The following PDE6G variants were observed in gnomAD, a reference collection of about 807,000 sequenced individuals.
The protein encoded by PDE6G is rod cGMP 3',5'-cyclic phosphodiesterase subunit gamma.
PDE6G carries 10 observed loss-of-function variants against 10.9 expected under a neutral mutation model. The observed-to-expected ratio is 0.91, with a 90% confidence interval of 0.56 to 1.55. The LOEUF (loss-of-function observed/expected upper bound fraction) is 1.55, where lower values mean the gene tolerates loss of function less well. Among genes scored for constraint, PDE6G ranks in the 40% most tolerant of loss-of-function variants. PDE6G has a pLI of 0.00. For synonymous variants in PDE6G, 41 were observed against 42.8 expected, an observed-to-expected ratio of 0.96 and a Z score of 0.16; for missense variants, 102 against 110.1, an observed-to-expected ratio of 0.93 and a Z score of 0.33.
intron 1 of PDE6G, among the ~76,000 whole-genome samples, chr17:81,655,143 C>T (rs901811381): frequency 6.6e-6 from 1 of 152,160 alleles, no homozygotes; most frequent in African/African-American, 2.4e-5. Context: ...TCCCTTCACC[C>T]ACTCACGGAG....
Position 81,652,798 on chromosome 17 carries a change from TCGCGA to T in PDE6G, c.146+357_146+361del, listed in dbSNP as rs2036382013. On this transcript the variant is annotated intron_variant, in intron 2 of 3. Transcript: ENST00000331056. ...CATGTTTGTCAGGCTGGTCTCAAAC[TCGCGA>T]TCCTAGGGGGCTACTTTGGCAGGTA... Among the ~76,000 whole-genome samples, 26 of 147,728 alleles carry T rather than the reference TCGCGA, an allele frequency of 1.8e-4. No individual in the cohort carries two copies. In the Admixed American group the frequency reaches 1.8e-3, roughly 10 times the overall value.
In PDE6G at chr17:81,651,209, C is replaced by G. The variant is rs2036347675; in HGVS notation, c.188-59G>C. 1.6e-6 allele frequency: 2 copies of G among 1,263,774 alleles called. No homozygotes were observed. The highest frequency in any genetic ancestry group is 3.4e-5 in the Admixed American group (2 of 58,288). 78.3% of individuals were successfully genotyped at this position (1,263,774 alleles called of 1,614,324 possible). A position where few individuals can be genotyped will look rare whatever the true frequency, so the allele number is the denominator to read the frequency against. On this transcript the variant is annotated intron_variant, in intron 3 of 3. Coordinates refer to ENST00000331056, the MANE Select transcript of PDE6G (RefSeq NM_002602.4). The surrounding 1 kb of genome is among the most constrained non-coding windows in gnomAD (Gnocchi z 4.8). ...TCCCACGGCCTAGGGACCCCCCCAT[C>G]CCCTGTGGCCCTGTTTCCCACAGCC... is the stretch of plus-strand genomic sequence containing the variant.
At position 81,653,781 on chromosome 17, in the gene PDE6G, G is replaced by A. The variant is rs769266298; in HGVS notation, c.-59-417C>T. 2.3e-5 allele frequency: 4 copies of A among 171,560 alleles called. No individual in the cohort carries two copies. Among genetic ancestry groups the A allele is most frequent in the African/African-American group, 7.1e-5 (3 of 42,038 alleles). 10.6% of individuals were successfully genotyped at this position (171,560 alleles called of 1,614,324 possible). ...ACCCCAGGGAAGCGTGACTCCCGTC[G>A]GCATTTAACTGCTACTCTGGGTTTT... On this transcript the variant is annotated intron_variant, in intron 1 of 3. Coordinates refer to ENST00000331056, the MANE Select transcript of PDE6G (RefSeq NM_002602.4). The surrounding 1 kb of genome is among the most constrained non-coding windows in gnomAD (Gnocchi z 5.2).
intron 1 of PDE6G, among the ~76,000 whole-genome samples, chr17:81,655,225 G>T (rs577520339): frequency 1.3e-5 from 2 of 152,290 alleles, no homozygotes; most frequent in East Asian, 3.9e-4. Flanking sequence ...CAAAATGGGG[G>T]GCAGGGTCCC....
In PDE6G at chr17:81,651,730, G is replaced by A. The variant is rs1460241506; in HGVS notation, c.147-45C>T. ...AGGGACATGGCCGGGCCCAGTCCTG[G>A]CTCAGTCAGCCTGAGGCCCGAGGTC... On this transcript the variant is annotated intron_variant, in intron 2 of 3. Transcript: ENST00000331056. The surrounding 1 kb of genome is among the most constrained non-coding windows in gnomAD (Gnocchi z 4.8). 4 of 1,604,078 alleles carry A rather than the reference G, an allele frequency of 2.5e-6. No individual in the cohort carries two copies.
chr17:81,660,334 C>T (rs970647126), upstream of PDE6G, among the ~76,000 whole-genome samples: 3 of 152,080 alleles, frequency 2.0e-5, no homozygotes, highest in Non-Finnish European at 2.9e-5. Context: ...ATTTTTTGAA[C>T]TCGGTAAGTG....
upstream of PDE6G, among the ~76,000 whole-genome samples, chr17:81,658,658 T>C (rs2036479700): frequency 6.6e-6 from 1 of 151,910 alleles, no homozygotes; most frequent in South Asian, 2.1e-4. Context: ...CTGGCCAACA[T>C]GGTGAAACCC....
chr17:81,662,209 G>C (rs2036518864), intron 1 of PDE6G, among the ~76,000 whole-genome samples: 1 of 152,118 alleles, frequency 6.6e-6, no homozygotes, highest in Admixed American at 6.6e-5. Context: ...AGGACCTCCT[G>C]AGGCTGTCAC....
Position 81,651,217 on chromosome 17 carries a change from G to T in PDE6G, c.188-67C>A. Reference sequence around the variant, plus strand: ...CCTAGGGACCCCCCCATCCCCTGTGGCCCTGTTTCCCACAGCCCAGGTGTA... The same window carrying T: ...CCTAGGGACCCCCCCATCCCCTGTGTCCCTGTTTCCCACAGCCCAGGTGTA... On this transcript the variant is annotated intron_variant, in intron 3 of 3. Transcript: ENST00000331056. This position sits in a 1 kb window ranked among gnomAD's most constrained non-coding sequence, Gnocchi z 4.8. 1.6e-6 allele frequency: 2 copies of T among 1,221,420 alleles called. No individual in the cohort carries two copies. The highest frequency in any genetic ancestry group is 2.4e-6 in the Non-Finnish European group (2 of 827,022). 75.7% of individuals were successfully genotyped at this position (1,221,420 alleles called of 1,614,324 possible).
At position 81,651,604 on chromosome 17, in the gene PDE6G, G is replaced by A; in HGVS notation, c.187+41C>T. ...CGGGCGTGCTGGGTGTGCCTGGGGG[G>A]ACCTGGGCAGACCTCGGGTTGGTAC... On this transcript the variant is annotated intron_variant, in intron 3 of 3. Coordinates refer to ENST00000331056, the MANE Select transcript of PDE6G (RefSeq NM_002602.4). The surrounding 1 kb of genome is among the most constrained non-coding windows in gnomAD (Gnocchi z 4.8). 4 of 1,602,346 alleles carry A rather than the reference G, an allele frequency of 2.5e-6. No homozygotes were observed. Among genetic ancestry groups the A allele is most frequent in the East Asian group, 2.2e-5 (1 of 44,798 alleles).
chr17:81,661,329 T>G (rs1271836431), upstream of PDE6G, among the ~76,000 whole-genome samples: 2 of 152,162 alleles, frequency 1.3e-5, no homozygotes, highest in Non-Finnish European at 2.9e-5. Flanking sequence ...GAGGCTGCAG[T>G]GAGCTATGCC....
upstream of PDE6G, among the ~76,000 whole-genome samples, chr17:81,661,062 C>T (rs1034283652): frequency 6.6e-6 from 1 of 152,208 alleles, no homozygotes; most frequent in Non-Finnish European, 1.5e-5. Flanking sequence ...GGATTACAGG[C>T]ACACACCACC....
At chr17:81,656,164 G>A (rs1598721712) in intron 1 of PDE6G, among the ~76,000 whole-genome samples, 2 of 152,334 alleles carry the variant, frequency 1.3e-5, no homozygotes, top group South Asian at 2.1e-4. Context: ...CCATCCATGT[G>A]GAAACCGCTG....
chr17:81,652,923 G>A (rs1349994204), intron 2 of PDE6G, among the ~76,000 whole-genome samples: 1 of 151,426 alleles, frequency 6.6e-6, no homozygotes, highest in Non-Finnish European at 1.5e-5. Context: ...GGCAGTGGCT[G>A]TATTTTCAAG....
chr17:81,656,011 C>T (rs868035379), intron 1 of PDE6G, among the ~76,000 whole-genome samples: 2 of 152,094 alleles, frequency 1.3e-5, no homozygotes, highest in African/African-American at 2.4e-5. Flanking sequence ...CTCAGGAGCC[C>T]GGTGGTCCCA....
In PDE6G at chr17:81,651,186, C is replaced by A. The variant is rs769320830; in HGVS notation, c.188-36G>T. On this transcript the variant is annotated intron_variant, in intron 3 of 3. Coordinates refer to ENST00000331056, the MANE Select transcript of PDE6G (RefSeq NM_002602.4). This position sits in a 1 kb window ranked among gnomAD's most constrained non-coding sequence, Gnocchi z 4.8. ...AACGGGCCACGGATCAGAGAGGATCCCACGGCCTAGGGACCCCCCCATCCC... is the reference window on the plus strand; with the variant it reads ...AACGGGCCACGGATCAGAGAGGATCACACGGCCTAGGGACCCCCCCATCCC... 83 of 1,515,936 alleles carry A rather than the reference C, an allele frequency of 5.5e-5. No individual in the cohort carries two copies. The highest frequency in any genetic ancestry group is 7.6e-5 in the Non-Finnish European group (83 of 1,091,048). The allele number at this position is 1,515,936 out of a possible 1,614,324, so 93.9% of individuals were successfully genotyped here.
rs181137206 is a variant in PDE6G, at chr17:81,653,189, C to G, written c.117G>C (p.Lys39Asn). 89 of 1,614,148 alleles carry G rather than the reference C, an allele frequency of 5.5e-5. No individual in the cohort carries two copies. Among genetic ancestry groups the G allele is most frequent in the Middle Eastern group, 1.6e-4 (1 of 6,062 alleles). The change falls in exon 2 of 4, where the codon AAG becomes AAC. Residue 39 changes from lysine (K) to asparagine (N), a missense_variant. Transcript: ENST00000331056. The surrounding 1 kb of genome is among the most constrained non-coding windows in gnomAD (Gnocchi z 5.2). The part of the protein sequence containing the change: ...KFKQRQTRQF[K>N]SKPPKKGVQG... ...GAACGCCTTTCTTTGGGGGCTTGCT[C>G]TTGAACTGCCTGGTCTGTCGCTGCT...
In PDE6G at chr17:81,652,870, G is replaced by T. The variant is rs564162603; in HGVS notation, c.146+290C>A. Among the ~76,000 whole-genome samples, 93 of 123,444 alleles carry T rather than the reference G, an allele frequency of 7.5e-4. 1 individual carries two copies. Among genetic ancestry groups the T allele is most frequent in the African/African-American group, 2.8e-3 (89 of 31,488 alleles). The allele number at this position is 123,444 out of a possible 152,430, so 81.0% of individuals were successfully genotyped here. A position where few individuals can be genotyped will look rare whatever the true frequency, so the allele number is the denominator to read the frequency against. The stretch of plus-strand genomic sequence containing the variant: ...GGCCGGGCGCGACCTCAGGTGATCT[G>T]CCCACCTCAGCCTCCCAAAGCGCTG... On this transcript the variant is annotated intron_variant, in intron 2 of 3. Transcript: ENST00000331056.
upstream of PDE6G, among the ~76,000 whole-genome samples, chr17:81,659,075 A>C (rs2036484528): frequency 6.6e-6 from 1 of 152,002 alleles, no homozygotes; most frequent in African/African-American, 2.4e-5. Flanking sequence ...AATAAATGGA[A>C]CAAGTCAAAA....
Sources: allele counts gnomAD v4.1 joint callset (sites outside exome capture counted in the v4.1 genomes callset), GRCh38; gene constraint gnomAD v4.1.1; non-coding constraint Gnocchi (gnomAD v3.1); transcripts MANE v1.5; gene names NCBI Gene and HGNC (gene_info 2026-07-23, HGNC 2026-07-21).